CUL3: variants seen among roughly 807,000 people sequenced by gnomAD.
CUL3 encodes cullin-3.
Under a neutral mutation model 89.1 loss-of-function variants are expected in CUL3, and 19 were observed. That is an observed-to-expected ratio of 0.21 (90% confidence interval 0.15 to 0.31). The LOEUF (loss-of-function observed/expected upper bound fraction) is 0.31. Among genes scored for constraint, CUL3 ranks in the 10% least tolerant of loss-of-function variants. The pLI, the probability that CUL3 is intolerant of heterozygous loss-of-function variation, is 1.00. For synonymous variants in CUL3, 351 were observed against 308.4 expected, an observed-to-expected ratio of 1.14 and a Z score of -1.45; for missense variants, 469 against 942.3, an observed-to-expected ratio of 0.50 and a Z score of 6.58.
At chr2:224,514,168 CATT>C (rs1358688519) in intron 4 of CUL3, among the ~76,000 whole-genome samples, 28 of 152,208 alleles carry the variant, frequency 1.8e-4, no homozygotes, top group African/African-American at 6.5e-4. Context: ...ACACTGCAAT[CATT>C]GTTATGAAGG....
chr2:224,502,740 T>A (rs1040617613), intron 10 of CUL3, among the ~76,000 whole-genome samples: 1 of 152,198 alleles, frequency 6.6e-6, no homozygotes, highest in African/African-American at 2.4e-5. Context: ...GTCAGTGTAT[T>A]CCTTCAAGTG....
rs533510869 is a variant in CUL3 at position 224,496,278 on chromosome 2, G to A, written c.1708-312C>T. Among the ~76,000 whole-genome samples the A allele has an allele frequency of 8.6e-4, 131 of 152,230 alleles. 1 individual carries two copies. The highest frequency in any genetic ancestry group is 2.9e-3 in the African/African-American group (119 of 41,540). On this transcript the variant is annotated intron_variant, in intron 12 of 15. Transcript: ENST00000264414. ...ACTAATGGGCTCCAGTGATTTGCCCGCATAGGCTCACAAAATGCTGAGATT... is the reference window on the plus strand; with the variant it reads ...ACTAATGGGCTCCAGTGATTTGCCCACATAGGCTCACAAAATGCTGAGATT...
intron 3 of CUL3, among the ~76,000 whole-genome samples, chr2:224,531,333 C>A (rs1022985072): frequency 1.3e-4 from 20 of 151,906 alleles, no homozygotes; most frequent in African/African-American, 4.6e-4. Flanking sequence ...AGTAATCCAC[C>A]CACCTAGGCC....
At chr2:224,474,502 C>A (rs1269544755) in intron 15 of CUL3, 126 bp from the exon 16 acceptor site, 1 of 739,536 alleles carries the variant, frequency 1.4e-6, no homozygotes, top group Admixed American at 3.0e-5. Context: ...AAGATAAAAG[C>A]ACAGAAACTT....
intron 3 of CUL3, among the ~76,000 whole-genome samples, chr2:224,521,545 C>G (rs1693263128): frequency 6.6e-6 from 1 of 151,966 alleles, no homozygotes; most frequent in Non-Finnish European, 1.5e-5. Context: ...ATCCTCCTGC[C>G]TCAGCCCCGC....
intron 2 of CUL3, 27 bp from the exon 3 acceptor site, chr2:224,535,668 GCA>G (rs1693872084): frequency 2.2e-6 from 3 of 1,389,476 alleles, no homozygotes; most frequent in African/African-American, 1.4e-5. Context: ...TCATTAGTTT[GCA>G]CACACACATC....
intron 3 of CUL3, among the ~76,000 whole-genome samples, chr2:224,518,997 T>G (rs1243896633): frequency 6.6e-6 from 1 of 152,330 alleles, no homozygotes; most frequent in East Asian, 1.9e-4. Flanking sequence ...ATGCTGTGTA[T>G]AGAGGAAAAT....
chr2:224,576,059 C>T (rs1470695874), intron 1 of CUL3, among the ~76,000 whole-genome samples: 1 of 152,142 alleles, frequency 6.6e-6, no homozygotes, highest in Non-Finnish European at 1.5e-5. Flanking sequence ...ACTGAGGGAG[C>T]ATGAGTTCAG....
chr2:224,576,460 T>TA lies in CUL3; in HGVS notation c.66+8483dup, dbSNP rs1695300367. On this transcript the variant is annotated intron_variant, in intron 1 of 15. Transcript: ENST00000264414. ...TCTTTAACGACCCTCTACTACATCT[T>TA]AAGACTTCACTTAGAGTTACAAAAA... 2.0e-5 allele frequency among the ~76,000 whole-genome samples: 3 copies of TA among 152,314 alleles called. No homozygotes were observed. The South Asian group carries it at 6.2e-4, about 32-fold the overall frequency.
intron 1 of CUL3, among the ~76,000 whole-genome samples, chr2:224,565,541 CTGTT>C (rs1695022606): frequency 1.3e-5 from 2 of 152,186 alleles, no homozygotes; most frequent in Admixed American, 1.3e-4. Context: ...TCTTTTGCCA[CTGTT>C]TGTTTTAAGT....
intron 13 of CUL3, 129 bp from the exon 14 acceptor site, chr2:224,482,207 T>C: frequency 1.6e-6 from 1 of 619,676 alleles, no homozygotes; most frequent in South Asian, 2.3e-5. Flanking sequence ...CAAAAAAGAA[T>C]TCTCTTGAGT....
At chr2:224,496,066 T>C in intron 12 of CUL3, 100 bp from the exon 13 acceptor site, 2 of 1,331,394 alleles carry the variant, frequency 1.5e-6, no homozygotes, top group Non-Finnish European at 2.1e-6. Context: ...GGTCTCACTT[T>C]GTCATCCAGG....
intron 1 of CUL3, among the ~76,000 whole-genome samples, chr2:224,579,265 G>A (rs1415544531): frequency 1.3e-5 from 2 of 152,136 alleles, no homozygotes; most frequent in Non-Finnish European, 2.9e-5. Context: ...ACACTTTAAT[G>A]AATCTGTTTC....
At chr2:224,496,416 A>G (rs1421767324) in intron 12 of CUL3, among the ~76,000 whole-genome samples, 1 of 152,252 alleles carries the variant, frequency 6.6e-6, no homozygotes, top group African/African-American at 2.4e-5. Flanking sequence ...ACTTATTTAT[A>G]TAAAGGAAAT....
intron 3 of CUL3, among the ~76,000 whole-genome samples, chr2:224,526,410 TC>T (rs1693475004): frequency 6.6e-6 from 1 of 151,434 alleles, no homozygotes; most frequent in Non-Finnish European, 1.5e-5. Context: ...ACGTGGTGAA[TC>T]CCGTCTTTAA....
At chr2:224,557,592 G>A (rs1694753860) in intron 2 of CUL3, 67 bp downstream of exon 2, 1 of 1,114,964 alleles carries the variant, frequency 9.0e-7, no homozygotes. Flanking sequence ...CGGTCAAAGT[G>A]CAATATGGTA....
intron 1 of CUL3, among the ~76,000 whole-genome samples, chr2:224,582,315 A>T (rs973496100): frequency 6.6e-6 from 1 of 152,174 alleles, no homozygotes; most frequent in Non-Finnish European, 1.5e-5. Flanking sequence ...TTGACTAGCA[A>T]CTCACGCAGT....
rs370890766 is a variant in CUL3, at chr2:224,519,245, T to C, written c.379-4473A>G. ...CTTTGGGCTATGTATATAAGGTGTA[T>C]ATAAAACATAAATGAATTTTATGTT... On this transcript the variant is annotated intron_variant, in intron 3 of 15. Coordinates refer to ENST00000264414, the MANE Select transcript of CUL3 (RefSeq NM_003590.5). Among the ~76,000 whole-genome samples the C allele has an allele frequency of 8.5e-5, 13 of 152,344 alleles. No individual in the cohort carries two copies. In the East Asian group the frequency reaches 1.5e-3, roughly 18 times the overall value.
chr2:224,500,377 A>G lies in CUL3; in HGVS notation c.1596T>C (p.Phe532=). 6.2e-7 allele frequency: 1 copy of G among 1,612,240 alleles called. No homozygotes were observed. Among genetic ancestry groups the G allele is most frequent in the Non-Finnish European group, 8.5e-7 (1 of 1,178,284 alleles). ...CNIPPAPRHA[F]EIFRRFYLAK... Reference sequence around the variant, plus strand: ...TTTTGATTTACCTTCTGAATATCTCAAAAGCATGTCTTGGTGCTGGTGGGA... The same window carrying G: ...TTTTGATTTACCTTCTGAATATCTCGAAAGCATGTCTTGGTGCTGGTGGGA... Residue 532 remains phenylalanine, a synonymous_variant, in exon 11 of 16, where the codon TTT becomes TTC. Coordinates refer to ENST00000264414, the MANE Select transcript of CUL3 (RefSeq NM_003590.5).
Sources: gnomAD v4.1 joint callset for allele counts (sites outside exome capture counted in the v4.1 genomes callset) on GRCh38, gnomAD v4.1.1 for gene constraint, MANE v1.5 for transcripts, NCBI Gene and HGNC (gene_info 2026-07-23, HGNC 2026-07-21) for gene names.